UPF2: variants seen among roughly 807,000 people sequenced by gnomAD.
UPF2 encodes UPF2 regulator of nonsense mediated mRNA decay.
UPF2 carries 17 observed loss-of-function variants against 141.4 expected under a neutral mutation model. That is an observed-to-expected ratio of 0.12 (90% CI 0.08 to 0.18). The LOEUF (loss-of-function observed/expected upper bound fraction) is 0.18. Among genes scored for constraint, UPF2 ranks in the 10% least tolerant of loss-of-function variants. The pLI is 1.00. For missense variants in UPF2, 1,152 were observed against 1,515.9 expected (o/e 0.76, Z 3.99); for synonymous variants, 540 against 498.0 (o/e 1.08, Z -1.12).
intron 3 of UPF2, chr10:12,026,580 C>G (rs1467494912): frequency 2.3e-6 from 1 of 444,344 alleles, no homozygotes; most frequent in East Asian, 7.0e-5. Flanking sequence ...CCTTTCCTTC[C>G]CCAACCACTG....
chr10:11,969,684 T>G (rs1833383140), intron 9 of UPF2, among the ~76,000 whole-genome samples: 1 of 152,218 alleles, frequency 6.6e-6, no homozygotes, highest in African/African-American at 2.4e-5. Context: ...AAAAAACTTC[T>G]CTTATTAATT....
intron 2 of UPF2, among the ~76,000 whole-genome samples, chr10:12,033,031 AG>A (rs1211098589): frequency 6.6e-6 from 1 of 152,182 alleles, no homozygotes; most frequent in African/African-American, 2.4e-5. Context: ...AGAAAGTAGA[AG>A]TCCTAAAGAA....
intron 18 of UPF2, among the ~76,000 whole-genome samples, chr10:11,937,863 C>T (rs1052309791): frequency 7.9e-5 from 12 of 152,028 alleles, no homozygotes; most frequent in South Asian, 2.1e-4. Context: ...TTCCCAGGTT[C>T]GTAAGATTTA....
At chr10:12,015,269 C>T (rs1834197961) in intron 3 of UPF2, among the ~76,000 whole-genome samples, 1 of 152,156 alleles carries the variant, frequency 6.6e-6, no homozygotes, top group Non-Finnish European at 1.5e-5. Flanking sequence ...TTCTGTAATG[C>T]CATCTTCCAT....
At chr10:12,023,739 C>T (rs1426834904) in intron 3 of UPF2, among the ~76,000 whole-genome samples, 2 of 149,120 alleles carry the variant, frequency 1.3e-5, no homozygotes, top group Non-Finnish European at 3.0e-5. Context: ...GCCTGTAATC[C>T]CAGCACTGTG....
At chr10:12,038,120 T>C (rs949239083) in intron 1 of UPF2, among the ~76,000 whole-genome samples, 1 of 152,156 alleles carries the variant, frequency 6.6e-6, no homozygotes. Flanking sequence ...CGGTGGCTCA[T>C]GCCTGTAATC....
intron 11 of UPF2, among the ~76,000 whole-genome samples, chr10:11,960,400 G>GTAAAA (rs1833220722): frequency 6.6e-6 from 1 of 151,574 alleles, no homozygotes; most frequent in Admixed American, 6.6e-5. Context: ...ATAAAATAAA[G>GTAAAA]TAAAATAAAA....
At chr10:11,961,652 G>A (rs969671246) in intron 11 of UPF2, among the ~76,000 whole-genome samples, 1 of 152,134 alleles carries the variant, frequency 6.6e-6, no homozygotes, top group Non-Finnish European at 1.5e-5. Flanking sequence ...CAAGTTGTGT[G>A]TGTATGTGAG....
Position 11,978,895 on chromosome 10 carries a change from G to A in UPF2, c.1953+162C>T, listed in dbSNP as rs922072120. 3.3e-5 allele frequency among the ~76,000 whole-genome samples: 5 copies of A among 152,146 alleles called. No homozygotes were observed. In the South Asian group the frequency reaches 8.3e-4, roughly 25 times the overall value. ...ATATCACTGATCAATTTCAAGCTTC[G>A]TTAAGTAAATCACATTTCAAAAATT... On this transcript the variant is annotated intron_variant, in intron 9 of 21. Transcript: ENST00000357604.
intron 9 of UPF2, among the ~76,000 whole-genome samples, chr10:11,972,086 A>C (rs1236953400): frequency 6.7e-6 from 1 of 150,232 alleles, no homozygotes; most frequent in Non-Finnish European, 1.5e-5. Context: ...AAAAAAACAC[A>C]CAAAAAAACA....
intron 8 of UPF2, among the ~76,000 whole-genome samples, chr10:11,985,924 G>C (rs1424923950): frequency 3.4e-5 from 3 of 89,396 alleles, no homozygotes; most frequent in African/African-American, 5.8e-5. Context: ...TCGCTGTGTC[G>C]CCCAGGCTGG....
At chr10:11,924,508 G>C (rs1262990517) in intron 21 of UPF2, among the ~76,000 whole-genome samples, 2 of 152,072 alleles carry the variant, frequency 1.3e-5, no homozygotes, top group Non-Finnish European at 2.9e-5. Context: ...AACCCAGGAG[G>C]TGGAGGGTGC....
chr10:12,041,154 T>C (rs545580843), intron 1 of UPF2, among the ~76,000 whole-genome samples: 15 of 152,342 alleles, frequency 9.8e-5, no homozygotes, highest in South Asian at 8.3e-4. Flanking sequence ...TTTAATAAAA[T>C]GCTAAAATTC....
chr10:11,954,324 A>G (rs867053371), intron 14 of UPF2, among the ~76,000 whole-genome samples: 10 of 152,072 alleles, frequency 6.6e-5, no homozygotes, highest in South Asian at 4.2e-4. Context: ...CAAAAATGAT[A>G]GGTTTTCTTT....
Position 11,942,738 on chromosome 10 carries a change from A to G in UPF2, c.3305T>C (p.Leu1102Pro). The G allele has an allele frequency of 6.2e-7, 1 of 1,613,986 alleles. No individual in the cohort carries two copies. The highest frequency in any genetic ancestry group is 8.5e-7 in the Non-Finnish European group (1 of 1,179,946). Reference protein sequence around the residue: ...NTEVMIKGGGLKHVPCVEDED... With the variant: ...NTEVMIKGGGPKHVPCVEDED... ...ATCTTCTACACAAGGTACATGCTTA[A>G]GTCCACCGCCTTTAATCATTACCTC... The change falls in exon 18 of 22, where the codon CTT becomes CCT. Residue 1102 changes from leucine to proline, a missense_variant. Coordinates refer to ENST00000357604, the MANE Select transcript of UPF2 (RefSeq NM_015542.4).
rs1052972368 is a variant in UPF2 at position 11,953,863 on chromosome 10, G to A, written c.2850+1369C>T. ...AGCAAGCTAACAGACCGCAATTCCC[G>A]AAGAATATTTACCCCCAACTTAACA... On this transcript the variant is annotated intron_variant, in intron 14 of 21. Coordinates refer to ENST00000357604, the MANE Select transcript of UPF2 (RefSeq NM_015542.4). The surrounding 1 kb of genome is among the most constrained non-coding windows in gnomAD (Gnocchi z 5.0). Among the ~76,000 whole-genome samples the A allele has an allele frequency of 2.0e-5, 3 of 152,066 alleles. No individual in the cohort carries two copies. The highest frequency in any genetic ancestry group is 4.4e-5 in the Non-Finnish European group (3 of 67,994).
intron 4 of UPF2, among the ~76,000 whole-genome samples, chr10:12,011,414 A>G (rs1254471532): frequency 6.6e-6 from 1 of 152,046 alleles, no homozygotes; most frequent in Admixed American, 6.6e-5. Context: ...CCTGACCAAC[A>G]TGGTGAAACC....
rs1834214185 is a variant in UPF2, at chr10:12,016,071, A to G, written c.1146-1887T>C. ...ATTTTTTCAGTAATTTTGTGAATGA[A>G]TTTTAAAAATTAAAACAAAAACCCA... On this transcript the variant is annotated intron_variant, in intron 3 of 21. Transcript: ENST00000357604. The surrounding 1 kb of genome is among the most constrained non-coding windows in gnomAD (Gnocchi z 4.1). Among the ~76,000 whole-genome samples, 1 of 152,186 alleles carries G rather than the reference A, an allele frequency of 6.6e-6. No homozygotes were observed. The highest frequency in any genetic ancestry group is 1.5e-5 in the Non-Finnish European group (1 of 68,040).
At chr10:11,986,649 T>C (rs1833696357) in intron 8 of UPF2, among the ~76,000 whole-genome samples, 2 of 152,192 alleles carry the variant, frequency 1.3e-5, no homozygotes, top group African/African-American at 4.8e-5. Context: ...AAGGATTTCA[T>C]AGGAAACACT....
Sources: allele counts gnomAD v4.1 joint callset (sites outside exome capture counted in the v4.1 genomes callset), GRCh38; gene constraint gnomAD v4.1.1; non-coding constraint Gnocchi (gnomAD v3.1); transcripts MANE v1.5; gene names NCBI Gene and HGNC (gene_info 2026-07-23, HGNC 2026-07-21).